The following HNRNPLL variants were observed in gnomAD, a reference collection of about 807,000 sequenced individuals.
HNRNPLL encodes the protein heterogeneous nuclear ribonucleoprotein L like.
HNRNPLL carries 25 observed loss-of-function variants against 67.1 expected under a neutral mutation model. The ratio of observed to expected loss-of-function variants is 0.37; its 90% CI spans 0.27 to 0.52. The LOEUF (loss-of-function observed/expected upper bound fraction) is 0.52. Ranked by LOEUF, HNRNPLL falls within the 20% of genes least tolerant of loss-of-function variation. The probability of loss-of-function intolerance (pLI) is 0.90; values close to 1 mark genes in which losing one functional copy is unlikely to be tolerated. For missense variants in HNRNPLL, 542 were observed against 673.9 expected, an observed-to-expected ratio of 0.80 and a Z score of 2.17; for synonymous variants, 267 against 241.7, an observed-to-expected ratio of 1.10 and a Z score of -0.97.
chr2:38,568,899 C>T (rs994385359), intron 10 of HNRNPLL, among the ~76,000 whole-genome samples: 1 of 152,008 alleles, frequency 6.6e-6, no homozygotes, highest in Non-Finnish European at 1.5e-5. Context: ...TTAAGATGAC[C>T]TCATTCTAAT....
Position 38,602,477 on chromosome 2 carries a change from C to T in HNRNPLL, c.150G>A (p.Gly50=). Residue 50 remains glycine (G), a synonymous_variant, in exon 1 of 13, where the codon GGG becomes GGA. Transcript: ENST00000449105. The part of the protein sequence containing the change: ...ENRREATPRG[G]GDGGGGGRSF... ...TCCGGCCGCCGCCGCCGCCATCGCC[C>T]CCGCCCCGGGGCGTCGCTTCCCGGC... 1 of 1,542,500 alleles carries T rather than the reference C, an allele frequency of 6.5e-7. No individual in the cohort carries two copies.
intron 2 of HNRNPLL, among the ~76,000 whole-genome samples, chr2:38,590,779 G>A (rs1437242895): frequency 6.6e-6 from 1 of 152,158 alleles, no homozygotes; most frequent in Non-Finnish European, 1.5e-5. Flanking sequence ...GGCTGAGGTG[G>A]GAGGATAGCT....
At position 38,573,442 on chromosome 2, in the gene HNRNPLL, A is replaced by G; in HGVS notation, c.875-15T>C. On this transcript the variant is annotated splice_polypyrimidine_tract_variant and intron_variant, in intron 7 of 12. Coordinates refer to ENST00000449105, the MANE Select transcript of HNRNPLL (RefSeq NM_138394.4). ...ACCATGGGATCCTATAAAAATGATCAAAATAAATAAATTAGTTAACATATA... is the reference window on the plus strand; with the variant it reads ...ACCATGGGATCCTATAAAAATGATCGAAATAAATAAATTAGTTAACATATA... 1 of 1,523,014 alleles carries G rather than the reference A, an allele frequency of 6.6e-7. No individual in the cohort carries two copies. Among genetic ancestry groups the G allele is most frequent in the Non-Finnish European group, 9.1e-7 (1 of 1,104,784 alleles). The allele number at this position is 1,523,014 out of a possible 1,614,324, so 94.3% of individuals were successfully genotyped here. A position where few individuals can be genotyped will look rare whatever the true frequency, so the allele number is the denominator to read the frequency against.
intron 2 of HNRNPLL, among the ~76,000 whole-genome samples, chr2:38,588,542 ATCTC>A (rs1666822737): frequency 2.4e-5 from 3 of 127,224 alleles, no homozygotes; most frequent in Non-Finnish European, 3.2e-5. Flanking sequence ...GTGAAACTCC[ATCTC>A]AAAAAAAAAA....
intron 3 of HNRNPLL, among the ~76,000 whole-genome samples, chr2:38,584,164 CG>C (rs1666639837): frequency 6.6e-6 from 1 of 152,158 alleles, no homozygotes; most frequent in African/African-American, 2.4e-5. Flanking sequence ...CAGGCTGAAA[CG>C]ATCTCCCGCC....
At chr2:38,573,468 C>G (rs754001862) in intron 7 of HNRNPLL, 41 bp from the exon 8 acceptor site, 2 of 1,300,640 alleles carry the variant, frequency 1.5e-6, no homozygotes, top group Admixed American at 2.0e-5. Context: ...TTAACATATA[C>G]ACATAGTTGT....
chr2:38,573,852 A>C (rs1666194771), intron 7 of HNRNPLL, among the ~76,000 whole-genome samples: 1 of 151,914 alleles, frequency 6.6e-6, no homozygotes, highest in Non-Finnish European at 1.5e-5. Flanking sequence ...ATCTCTACAC[A>C]GATATAACAA....
rs2148337990 is a variant in HNRNPLL at position 38,569,071 on chromosome 2, T to A, written c.1416+62A>T. The A allele has an allele frequency of 4.1e-6, 5 of 1,213,544 alleles. No individual in the cohort carries two copies. The East Asian group carries it at 1.2e-4, about 28-fold the overall frequency. 75.2% of individuals were successfully genotyped at this position (1,213,544 alleles called of 1,614,324 possible). A position where few individuals can be genotyped will look rare whatever the true frequency, so the allele number is the denominator to read the frequency against. On this transcript the variant is annotated intron_variant, in intron 10 of 12. Coordinates refer to ENST00000449105, the MANE Select transcript of HNRNPLL (RefSeq NM_138394.4). The stretch of plus-strand genomic sequence containing the variant: ...GAGCAAAACGACTTCAAAATGAAGC[T>A]AAAACAGATTTTAAAATAGGAAATA...
chr2:38,602,146 G>A, intron 1 of HNRNPLL: 2 of 446,790 alleles, frequency 4.5e-6, no homozygotes, highest in Non-Finnish European at 3.9e-6. Flanking sequence ...ACCCCCCAGA[G>A]CGGAAGCGAC....
At position 38,577,431 on chromosome 2, in the gene HNRNPLL, T is replaced by C. The variant is rs761481881; in HGVS notation, c.874+30A>G. On this transcript the variant is annotated intron_variant, in intron 7 of 12. Transcript: ENST00000449105. ...TGCAGCAAGTCAAACAGTTCATCTATACTACCTTCTTTCTACCTTGACAAC... is the reference window on the plus strand; with the variant it reads ...TGCAGCAAGTCAAACAGTTCATCTACACTACCTTCTTTCTACCTTGACAAC... 5 of 1,365,696 alleles carry C rather than the reference T, an allele frequency of 3.7e-6. No homozygotes were observed. The East Asian group carries it at 9.2e-5, about 25-fold the overall frequency. The allele number at this position is 1,365,696 out of a possible 1,614,324, so 84.6% of individuals were successfully genotyped here. A position where few individuals can be genotyped will look rare whatever the true frequency, so the allele number is the denominator to read the frequency against.
intron 6 of HNRNPLL, 132 bp from the exon 7 acceptor site, chr2:38,577,664 T>C: frequency 1.6e-6 from 1 of 640,614 alleles, no homozygotes; most frequent in African/African-American, 1.8e-5. Flanking sequence ...TGGTTAACTT[T>C]AAACATCCAT....
chr2:38,570,427 A>T (rs1330490096), intron 8 of HNRNPLL, among the ~76,000 whole-genome samples: 2 of 152,220 alleles, frequency 1.3e-5, no homozygotes, highest in Admixed American at 6.5e-5. Flanking sequence ...AGTACAAACT[A>T]TGTAGAATTC....
In HNRNPLL at chr2:38,573,197, A is replaced by G; in HGVS notation, c.1092+13T>C. 1 of 1,552,888 alleles carries G rather than the reference A, an allele frequency of 6.4e-7. No homozygotes were observed. On this transcript the variant is annotated intron_variant, in intron 8 of 12. Transcript: ENST00000449105. ...TATCCTAGCAAAAGAAACCAATATA[A>G]AGAGAAACTTACCTTCTCAATATTT... is the stretch of plus-strand genomic sequence containing the variant.
At chr2:38,570,515 G>C (rs970051574) in intron 8 of HNRNPLL, among the ~76,000 whole-genome samples, 2 of 152,202 alleles carry the variant, frequency 1.3e-5, no homozygotes, top group African/African-American at 4.8e-5. Context: ...AGGAAGGCTT[G>C]TGCAACATAG....
chr2:38,594,975 T>G (rs1353117790), intron 1 of HNRNPLL, among the ~76,000 whole-genome samples: 1 of 149,354 alleles, frequency 6.7e-6, no homozygotes, highest in African/African-American at 2.5e-5. Flanking sequence ...ACCATCCAAT[T>G]TAATAAATAA....
At chr2:38,570,609 G>GT (rs1666040494) in intron 8 of HNRNPLL, among the ~76,000 whole-genome samples, 1 of 152,152 alleles carries the variant, frequency 6.6e-6, no homozygotes, top group African/African-American at 2.4e-5. Flanking sequence ...ATGTAATGCT[G>GT]TAAGGGTTAG....
chr2:38,601,449 A>C (rs1667429471), intron 1 of HNRNPLL: 1 of 152,232 alleles, frequency 6.6e-6, no homozygotes, highest in Non-Finnish European at 1.5e-5. Context: ...AGAATTAATC[A>C]CAATTCATGT....
At chr2:38,580,580 T>A (rs1383299101) in intron 6 of HNRNPLL, among the ~76,000 whole-genome samples, 4 of 152,222 alleles carry the variant, frequency 2.6e-5, no homozygotes, top group African/African-American at 9.6e-5. Context: ...ACAGACATAC[T>A]CATCTTGAGC....
intron 6 of HNRNPLL, chr2:38,581,063 G>C (rs972226117): frequency 1.3e-5 from 2 of 152,200 alleles, no homozygotes; most frequent in African/African-American, 4.8e-5. Flanking sequence ...AGTAAACAAT[G>C]CAGCAAGTGT....
Sources: gnomAD v4.1 joint callset for allele counts (sites outside exome capture counted in the v4.1 genomes callset) on GRCh38, gnomAD v4.1.1 for gene constraint, MANE v1.5 for transcripts, NCBI Gene and HGNC (gene_info 2026-07-23, HGNC 2026-07-21) for gene names.